THSD4: variants seen among roughly 807,000 people sequenced by gnomAD.
THSD4 encodes the protein thrombospondin type 1 domain containing 4, also known as thrombospondin type-1 domain-containing protein 4.
Under a neutral mutation model 119.0 loss-of-function variants are expected in THSD4, and 69 were observed. The observed-to-expected ratio is 0.58, with a 90% confidence interval of 0.48 to 0.71. The LOEUF is 0.71. Among genes scored for constraint, THSD4 ranks in the 30% least tolerant of loss-of-function variants. THSD4 has a pLI of 0.00. For missense variants in THSD4, 1,393 were observed against 1,391.1 expected, an observed-to-expected ratio of 1.00 and a Z score of -0.02; for synonymous variants, 524 against 540.4, an observed-to-expected ratio of 0.97 and a Z score of 0.42.
chr15:71,559,176 C>T (rs2049071801), intron 7 of THSD4, among the ~76,000 whole-genome samples: 1 of 152,204 alleles, frequency 6.6e-6, no homozygotes, highest in South Asian at 2.1e-4. Flanking sequence ...AAACCTCCCT[C>T]CAGCATCTTT....
intron 11 of THSD4, among the ~76,000 whole-genome samples, chr15:71,740,999 G>C (rs573293086): frequency 6.6e-6 from 1 of 152,252 alleles, no homozygotes; most frequent in African/African-American, 2.4e-5. Flanking sequence ...ATCATACCAA[G>C]CACACAGTAG....
chr15:71,411,731 T>C lies in THSD4; in HGVS notation c.1060T>C (p.Tyr354His). ...KCELNCQAMGYRFYVRQAEKV... is the reference protein window; with the variant it reads ...KCELNCQAMGHRFYVRQAEKV... ...TGAGTTGAACTGCCAGGCAATGGGC[T>C]ACCGCTTCTATGTACGGCAAGCTGA... is the stretch of plus-strand genomic sequence containing the variant. Residue 354 changes from tyrosine (Y) to histidine (H), a missense_variant, in exon 7 of 18, where the codon TAC (tyrosine) becomes CAC (histidine). Coordinates refer to ENST00000261862, the MANE Select transcript of THSD4 (RefSeq NM_024817.3). 6 of 1,614,164 alleles carry C rather than the reference T, an allele frequency of 3.7e-6. No homozygotes were observed. The highest frequency in any genetic ancestry group is 1.1e-5 in the South Asian group (1 of 91,080).
At chr15:71,455,814 C>T (rs2047331271) in intron 7 of THSD4, among the ~76,000 whole-genome samples, 2 of 152,180 alleles carry the variant, frequency 1.3e-5, no homozygotes, top group South Asian at 4.1e-4. Flanking sequence ...GCTCTCTTCA[C>T]CTCTGGTGGC....
At chr15:71,306,167 G>C (rs112574185) in intron 6 of THSD4, among the ~76,000 whole-genome samples, 2 of 151,858 alleles carry the variant, frequency 1.3e-5, no homozygotes, top group African/African-American at 4.8e-5. Flanking sequence ...TCAGCCGGGC[G>C]TGGTGGTGGG....
chr15:71,218,727 A>G (rs2043954165), intron 4 of THSD4, among the ~76,000 whole-genome samples: 1 of 152,204 alleles, frequency 6.6e-6, no homozygotes, highest in Non-Finnish European at 1.5e-5. Context: ...GAGAAATGTC[A>G]GCATATTTTC....
chr15:71,686,448 C>G (rs192375157), intron 8 of THSD4, among the ~76,000 whole-genome samples: 71 of 152,316 alleles, frequency 4.7e-4, no homozygotes, highest in Non-Finnish European at 7.5e-4. Flanking sequence ...GACAGCTGTT[C>G]CCTCCACATA....
chr15:71,525,133 G>A (rs1466896044), intron 7 of THSD4, among the ~76,000 whole-genome samples: 1 of 151,922 alleles, frequency 6.6e-6, no homozygotes, highest in East Asian at 1.9e-4. Context: ...TATTTACTGA[G>A]CACTTATTAT....
intron 1 of THSD4, among the ~76,000 whole-genome samples, chr15:71,124,441 C>T (rs536963013): frequency 6.6e-5 from 10 of 152,140 alleles, no homozygotes; most frequent in East Asian, 1.9e-4. Context: ...CTGGTCTAGA[C>T]GCTTACAATA....
chr15:71,331,578 C>T (rs973891438), intron 6 of THSD4, among the ~76,000 whole-genome samples: 3 of 152,136 alleles, frequency 2.0e-5, no homozygotes, highest in African/African-American at 7.2e-5. Flanking sequence ...TGCAGTCTGG[C>T]CCCCAGAGCA....
At chr15:71,267,693 A>G (rs1230546321) in intron 6 of THSD4, among the ~76,000 whole-genome samples, 2 of 152,230 alleles carry the variant, frequency 1.3e-5, no homozygotes, top group African/African-American at 4.8e-5. Flanking sequence ...AAGACCCATC[A>G]GTGTGCTGTA....
chr15:71,515,973 T>C (rs1009940377), intron 7 of THSD4, among the ~76,000 whole-genome samples: 1 of 152,182 alleles, frequency 6.6e-6, no homozygotes, highest in Non-Finnish European at 1.5e-5. Context: ...ATACCCCAAA[T>C]CAAGCCTATA....
intron 6 of THSD4, among the ~76,000 whole-genome samples, chr15:71,355,428 A>G (rs1344906879): frequency 6.6e-6 from 1 of 152,230 alleles, no homozygotes; most frequent in African/African-American, 2.4e-5. Flanking sequence ...GTGTGCGTGC[A>G]GACACTTGTT....
At chr15:71,306,695 T>C (rs952229403) in intron 6 of THSD4, among the ~76,000 whole-genome samples, 10 of 152,234 alleles carry the variant, frequency 6.6e-5, no homozygotes, top group Non-Finnish European at 1.5e-4. Context: ...TCAGGAGTGC[T>C]GCATATAATC....
chr15:71,214,527 T>C lies in THSD4; in HGVS notation c.100-508T>C, dbSNP rs535735007. Among the ~76,000 whole-genome samples, 4 of 152,304 alleles carry C rather than the reference T, an allele frequency of 2.6e-5. 1 individual carries two copies. The South Asian group carries it at 8.3e-4, about 32-fold the overall frequency. On this transcript the variant is annotated intron_variant, in intron 3 of 17. Coordinates refer to ENST00000261862, the MANE Select transcript of THSD4 (RefSeq NM_024817.3). ...CTCACTGTGAAGGTCCGCAGCTTCA[T>C]TCTTGAAGTCAGTGGGACCACGAAC...
intron 7 of THSD4, among the ~76,000 whole-genome samples, chr15:71,457,143 G>C (rs1424489592): frequency 6.6e-6 from 1 of 152,142 alleles, no homozygotes; most frequent in Admixed American, 6.5e-5. Context: ...CAATTTGGGA[G>C]GCTGAGGCAG....
chr15:71,510,674 C>T (rs543553639), intron 7 of THSD4, among the ~76,000 whole-genome samples: 2 of 152,270 alleles, frequency 1.3e-5, no homozygotes, highest in East Asian at 1.9e-4. Context: ...AGGTTTTCTT[C>T]GTAGCCCAGC....
At chr15:71,421,822 GTTT>G (rs2046812486) in intron 7 of THSD4, among the ~76,000 whole-genome samples, 1 of 152,126 alleles carries the variant, frequency 6.6e-6, no homozygotes, top group South Asian at 2.1e-4. Context: ...TTCGGAGGCT[GTTT>G]TCTAGATTTT....
At chr15:71,269,401 C>T (rs988849321) in intron 6 of THSD4, among the ~76,000 whole-genome samples, 2 of 152,110 alleles carry the variant, frequency 1.3e-5, no homozygotes, top group African/African-American at 4.8e-5. Context: ...ATTCAACACC[C>T]CTTCATGCTA....
At chr15:71,515,612 C>T (rs1003664007) in intron 7 of THSD4, among the ~76,000 whole-genome samples, 1 of 152,176 alleles carries the variant, frequency 6.6e-6, no homozygotes, top group African/African-American at 2.4e-5. Flanking sequence ...CTATTTAAAG[C>T]ATTCCTTTCA....
Sources: allele counts gnomAD v4.1 joint callset (sites outside exome capture counted in the v4.1 genomes callset), GRCh38; gene constraint gnomAD v4.1.1; transcripts MANE v1.5; gene names NCBI Gene and HGNC (gene_info 2026-07-23, HGNC 2026-07-21).